Variants in ELMO1 observed in about 807,000 individuals in gnomAD.
ELMO1 encodes engulfment and cell motility protein 1.
A neutral mutation model predicts 98.9 loss-of-function variants in ELMO1; 26 were observed. The observed-to-expected ratio is 0.26, with a 90% CI of 0.19 to 0.36. ELMO1 has a LOEUF of 0.36. Ranked by LOEUF, ELMO1 falls within the 10% of genes least tolerant of loss-of-function variation. The pLI is 1.00. For missense variants in ELMO1, 627 were observed against 935.2 expected (o/e 0.67, Z 4.30); for synonymous variants, 346 against 346.0 (o/e 1.00, Z 0.00).
At chr7:36,935,761 A>C (rs1047213027) in intron 16 of ELMO1, among the ~76,000 whole-genome samples, 4 of 152,068 alleles carry the variant, frequency 2.6e-5, no homozygotes, top group Admixed American at 1.3e-4. Flanking sequence ...CTACACTACT[A>C]CTCCAAAAAG....
chr7:36,879,842 A>G (rs1057209756), intron 18 of ELMO1, among the ~76,000 whole-genome samples: 5 of 152,238 alleles, frequency 3.3e-5, no homozygotes, highest in Admixed American at 2.0e-4. Context: ...TTTCTGGGAG[A>G]GCATTTCAAA....
chr7:37,429,023 GTTGTT>G, intron 1 of ELMO1, among the ~76,000 whole-genome samples: 3 of 5,958 alleles, frequency 5.0e-4, no homozygotes, highest in African/African-American at 1.7e-3. Flanking sequence ...ACTGCAGGTT[GTTGTT>G]GTTGTTGTTG....
intron 8 of ELMO1, among the ~76,000 whole-genome samples, chr7:37,232,022 T>C (rs1386963694): frequency 6.6e-6 from 1 of 152,130 alleles, no homozygotes; most frequent in Non-Finnish European, 1.5e-5. Flanking sequence ...CCGGCTAATT[T>C]TTGTAGTTTT....
At chr7:37,245,178 AG>A (rs1370964816) in intron 6 of ELMO1, among the ~76,000 whole-genome samples, 1 of 152,110 alleles carries the variant, frequency 6.6e-6, no homozygotes, top group Non-Finnish European at 1.5e-5. Flanking sequence ...GGGGTCCTCT[AG>A]GAAGTCTCTC....
chr7:37,041,421 GC>G (rs1795500789), intron 15 of ELMO1, among the ~76,000 whole-genome samples: 1 of 152,150 alleles, frequency 6.6e-6, no homozygotes, highest in East Asian at 1.9e-4. Flanking sequence ...ATCTACTGTG[GC>G]CCCGAGTTGG....
intron 13 of ELMO1, among the ~76,000 whole-genome samples, chr7:37,143,501 G>A (rs1395494772): frequency 6.6e-6 from 1 of 151,894 alleles, no homozygotes; most frequent in African/African-American, 2.4e-5. Flanking sequence ...CCGCCTCCCA[G>A]GTTCAAGCGA....
At chr7:36,861,805 C>T (rs1185370282) in intron 20 of ELMO1, 69 bp from the exon 21 acceptor site, 4 of 1,461,800 alleles carry the variant, frequency 2.7e-6, no homozygotes, top group Non-Finnish European at 3.8e-6. Context: ...TTGCAAATGG[C>T]TGCACATTGA....
chr7:37,154,367 C>T (rs373237022), intron 13 of ELMO1, among the ~76,000 whole-genome samples: 2 of 151,176 alleles, frequency 1.3e-5, no homozygotes, highest in East Asian at 2.0e-4. Flanking sequence ...CAAACTTCTC[C>T]GAGCTAAAGG....
At chr7:37,204,387 C>A in intron 13 of ELMO1, 1 of 351,572 alleles carries the variant, frequency 2.8e-6, no homozygotes, top group Non-Finnish European at 5.6e-6. Context: ...TGTTACAGTT[C>A]ATAAAGGCGG....
At chr7:37,180,414 A>G (rs1158823568) in intron 13 of ELMO1, among the ~76,000 whole-genome samples, 1 of 152,202 alleles carries the variant, frequency 6.6e-6, no homozygotes, top group Non-Finnish European at 1.5e-5. Context: ...CCAAATTGAG[A>G]GAGATGATGC....
chr7:37,004,033 T>C (rs992090544), intron 16 of ELMO1, among the ~76,000 whole-genome samples: 37 of 152,088 alleles, frequency 2.4e-4, no homozygotes, highest in Middle Eastern at 6.8e-3. Context: ...ACCTCCCATG[T>C]AACATCATTT....
At chr7:37,180,519 A>C (rs1263068636) in intron 13 of ELMO1, among the ~76,000 whole-genome samples, 2 of 152,212 alleles carry the variant, frequency 1.3e-5, no homozygotes, top group Non-Finnish European at 2.9e-5. Context: ...AGCAAAAAGA[A>C]AGACAGCTAA....
intron 16 of ELMO1, among the ~76,000 whole-genome samples, chr7:36,940,158 G>A (rs911582162): frequency 6.6e-6 from 1 of 152,202 alleles, no homozygotes; most frequent in Non-Finnish European, 1.5e-5. Flanking sequence ...TTCTGAGGCT[G>A]CTTTCCCTGA....
intron 1 of ELMO1, among the ~76,000 whole-genome samples, chr7:37,447,085 C>A (rs1462153414): frequency 1.3e-5 from 2 of 152,116 alleles, no homozygotes; most frequent in Non-Finnish European, 2.9e-5. Context: ...AATATGAGAA[C>A]CCTGGCCAGA....
intron 15 of ELMO1, among the ~76,000 whole-genome samples, chr7:37,091,817 C>T (rs569501534): frequency 6.6e-6 from 1 of 152,300 alleles, no homozygotes; most frequent in South Asian, 2.1e-4. Context: ...TACATGGCGG[C>T]AGGCAAGACA....
intron 1 of ELMO1, among the ~76,000 whole-genome samples, chr7:37,417,157 GA>G: frequency 6.6e-6 from 1 of 152,300 alleles, no homozygotes; most frequent in South Asian, 2.1e-4. Context: ...CTGAAGAGGG[GA>G]TAGAAAGACT....
chr7:37,337,953 T>C (rs1800512323), intron 2 of ELMO1, among the ~76,000 whole-genome samples: 1 of 152,236 alleles, frequency 6.6e-6, no homozygotes, highest in African/African-American at 2.4e-5. Flanking sequence ...CACCTCTTTA[T>C]TACCAGAGGA....
intron 20 of ELMO1, among the ~76,000 whole-genome samples, chr7:36,862,983 T>C (rs1322423235): frequency 1.3e-5 from 2 of 152,196 alleles, no homozygotes; most frequent in Admixed American, 1.3e-4. Context: ...GATTAAAGAA[T>C]TATTCCAAAG....
intron 4 of ELMO1, among the ~76,000 whole-genome samples, chr7:37,312,291 G>T (rs576235128): frequency 6.6e-6 from 1 of 152,348 alleles, no homozygotes; most frequent in South Asian, 2.1e-4. Context: ...GTTTTGCCAT[G>T]TTGGCCAGGC....
Sources: gnomAD v4.1 joint callset for allele counts (sites outside exome capture counted in the v4.1 genomes callset) on GRCh38, gnomAD v4.1.1 for gene constraint, MANE v1.5 for transcripts, NCBI Gene and HGNC (gene_info 2026-07-23, HGNC 2026-07-21) for gene names.